Variants in NIN observed in about 807,000 individuals in gnomAD.
The protein encoded by NIN is glycogen synthase kinase 3 beta-interacting protein.
NIN carries 137 observed loss-of-function variants against 257.6 expected under a neutral mutation model. That is an observed-to-expected ratio of 0.53 (90% confidence interval 0.46 to 0.61). NIN has a LOEUF of 0.61. NIN is among the 20% of genes least tolerant of loss of function. The pLI is 0.00. For missense variants in NIN, 2,439 were observed against 2,501.2 expected (o/e 0.98, Z 0.53); for synonymous variants, 918 against 919.8 (o/e 1.00, Z 0.04).
chr14:50,754,228 G>A (rs1233631564), intron 20 of NIN, among the ~76,000 whole-genome samples: 5 of 152,138 alleles, frequency 3.3e-5, no homozygotes, highest in African/African-American at 1.2e-4. Context: ...TCATGGTGAG[G>A]AAAAAGGAAG....
At chr14:50,786,704 G>A (rs1249800891) in intron 5 of NIN, among the ~76,000 whole-genome samples, 1 of 151,970 alleles carries the variant, frequency 6.6e-6, no homozygotes, top group Admixed American at 6.6e-5. Flanking sequence ...CAATAAAACT[G>A]TTTGCTTTGT....
Position 50,771,312 on chromosome 14 carries a change from G to T in NIN, c.1118+20C>A. 6.2e-7 allele frequency: 1 copy of T among 1,612,222 alleles called. No individual in the cohort carries two copies. Among genetic ancestry groups the T allele is most frequent in the East Asian group, 2.2e-5 (1 of 44,864 alleles). On this transcript the variant is annotated intron_variant, in intron 10 of 30. Coordinates refer to ENST00000530997, the MANE Select transcript of NIN (RefSeq NM_020921.4). ...AAGTAGGAAAGGGAATGGGGCAGGCGAACCTTCTGCTCAACTCACAACAAA... is the reference window on the plus strand; with the variant it reads ...AAGTAGGAAAGGGAATGGGGCAGGCTAACCTTCTGCTCAACTCACAACAAA...
At chr14:50,819,296 G>C (rs1275716448) in intron 3 of NIN, among the ~76,000 whole-genome samples, 1 of 152,196 alleles carries the variant, frequency 6.6e-6, no homozygotes, top group Non-Finnish European at 1.5e-5. Flanking sequence ...TGGTTTGGCT[G>C]TGTCCCCACC....
At chr14:50,823,271 C>T (rs769935707) in intron 2 of NIN, 3 of 575,306 alleles carry the variant, frequency 5.2e-6, no homozygotes, top group Admixed American at 1.9e-5. Flanking sequence ...ATGCCAAACA[C>T]GACATACACC....
At chr14:50,747,912 TG>T in intron 22 of NIN, 79 bp downstream of exon 22, 1 of 914,046 alleles carries the variant, frequency 1.1e-6, no homozygotes, top group Non-Finnish European at 1.8e-6. Flanking sequence ...GGACAACTGG[TG>T]GTTAGAAATA....
chr14:50,829,314 A>G (rs572015730), intron 2 of NIN, among the ~76,000 whole-genome samples: 1 of 152,304 alleles, frequency 6.6e-6, no homozygotes, highest in East Asian at 1.9e-4. Flanking sequence ...CAGGTCAGCC[A>G]CCTATATAAT....
At chr14:50,808,748 G>C (rs1432903315) in intron 3 of NIN, among the ~76,000 whole-genome samples, 1 of 152,184 alleles carries the variant, frequency 6.6e-6, no homozygotes, top group African/African-American at 2.4e-5. Flanking sequence ...GCTGCTAAGA[G>C]CACTGCATGT....
intron 20 of NIN, 57 bp from the exon 21 acceptor site, chr14:50,752,790 A>C: frequency 1.0e-6 from 1 of 983,450 alleles, no homozygotes; most frequent in Non-Finnish European, 1.5e-6. Context: ...GCTAAAAAAA[A>C]AAAAAAACAG....
At position 50,819,629 on chromosome 14, in the gene NIN, C is replaced by T. The variant is rs866248239; in HGVS notation, c.183+2245G>A. On this transcript the variant is annotated intron_variant, in intron 3 of 30. Coordinates refer to ENST00000530997, the MANE Select transcript of NIN (RefSeq NM_020921.4). The stretch of plus-strand genomic sequence containing the variant: ...ATAAATTACCCAGTCTCGGGTATGT[C>T]TTTATCAGCAGCGTGAAAACGGACT... 1.6e-4 allele frequency among the ~76,000 whole-genome samples: 25 copies of T among 152,316 alleles called. No individual in the cohort carries two copies. The Middle Eastern group carries it at 0.01, about 62-fold the overall frequency.
chr14:50,825,651 G>T (rs1372641696), intron 2 of NIN, among the ~76,000 whole-genome samples: 1 of 152,202 alleles, frequency 6.6e-6, no homozygotes, highest in African/African-American at 2.4e-5. Flanking sequence ...TTGCACTCTA[G>T]TGTGACACTG....
chr14:50,823,877 C>T (rs561518105), intron 2 of NIN, among the ~76,000 whole-genome samples: 2 of 152,298 alleles, frequency 1.3e-5, no homozygotes, highest in African/African-American at 4.8e-5. Context: ...ATCAAAGCCT[C>T]AGAAAAGAAA....
At chr14:50,781,720 C>G (rs1192058691) in intron 5 of NIN, among the ~76,000 whole-genome samples, 1 of 152,158 alleles carries the variant, frequency 6.6e-6, no homozygotes, top group Admixed American at 6.5e-5. Context: ...GGTTCTCTGC[C>G]TATAAAATGG....
chr14:50,763,998 T>C (rs773820984), intron 14 of NIN, 34 bp from the exon 15 acceptor site: 17 of 1,581,050 alleles, frequency 1.1e-5, no homozygotes, highest in Non-Finnish European at 1.0e-5. Context: ...GTCTTAGATG[T>C]GACACCAAAA....
In NIN at chr14:50,726,053, T is replaced by C; in HGVS notation, c.6092A>G (p.Gln2031Arg). ...ETNTPQGNQE[Q>R]LVTVMEERMI... ...TCGTTCCTCCATGACAGTTACCAGT[T>C]GTTCCTGGTTTCCCTGAAGGGAAGA... is the stretch of plus-strand genomic sequence containing the variant. The change falls in exon 30 of 31, where the codon CAA becomes CGA. Residue 2031 changes from glutamine (Q) to arginine (R), a missense_variant. Gln to Arg is a conservative substitution (Grantham distance 43). This residue lies in a region of NIN where 2,043 missense variants were observed against 2,050.2 expected (regional missense o/e 1.00). Coordinates refer to ENST00000530997, the MANE Select transcript of NIN (RefSeq NM_020921.4). The C allele has an allele frequency of 6.2e-7, 1 of 1,612,638 alleles. No homozygotes were observed. The highest frequency in any genetic ancestry group is 8.5e-7 in the Non-Finnish European group (1 of 1,178,898).
In NIN at chr14:50,738,224, G is replaced by A. The variant is rs987470495; in HGVS notation, c.5691C>T (p.Thr1897=). 3.1e-6 allele frequency: 5 copies of A among 1,613,852 alleles called. No homozygotes were observed. The highest frequency in any genetic ancestry group is 4.2e-6 in the Non-Finnish European group (5 of 1,179,920). ...ATTTTTCTTGCTCTGTGGGATTCAT[G>A]GTACCTGATGGGTTTAGATGTTTTT... ...KHQKHLNPSG[T]MNPTEQEKLS... Residue 1897 remains threonine (T), a synonymous_variant, in exon 27 of 31, where the codon ACC becomes ACT. Transcript: ENST00000530997.
chr14:50,774,012 T>C (rs1363132245), intron 7 of NIN, among the ~76,000 whole-genome samples: 2 of 152,228 alleles, frequency 1.3e-5, no homozygotes, highest in African/African-American at 4.8e-5. Context: ...TATAGGAACA[T>C]GCCTCCAATG....
chr14:50,763,114 C>T (rs1566820190), intron 15 of NIN, among the ~76,000 whole-genome samples: 1 of 152,114 alleles, frequency 6.6e-6, no homozygotes, highest in Non-Finnish European at 1.5e-5. Flanking sequence ...AATAAACAAC[C>T]TGTGTAAGAA....
At chr14:50,813,222 T>C (rs867029193) in intron 3 of NIN, among the ~76,000 whole-genome samples, 2 of 152,262 alleles carry the variant, frequency 1.3e-5, no homozygotes, top group African/African-American at 2.4e-5. Flanking sequence ...AGCTTTACTA[T>C]TGTATTTTGT....
In NIN at chr14:50,798,437, GGTGGATGAGT is replaced by G. The variant is rs146026376; in HGVS notation, c.266-5566_266-5557del. On this transcript the variant is annotated intron_variant, in intron 4 of 30. Coordinates refer to ENST00000530997, the MANE Select transcript of NIN (RefSeq NM_020921.4). ...ACCACCCCCCGAAGGTGCCTAAGCT[GGTGGATGAGT>G]GTGGCAAGGCAAGCCCCAGGGCTGA... Among the ~76,000 whole-genome samples, 539 of 152,308 alleles carry G rather than the reference GGTGGATGAGT, an allele frequency of 3.5e-3. 5 individuals are homozygous for G. The highest frequency in any genetic ancestry group is 0.012 in the African/African-American group (507 of 41,564).
Sources: gnomAD v4.1 joint callset for allele counts (sites outside exome capture counted in the v4.1 genomes callset) on GRCh38, gnomAD v4.1.1 for gene constraint, gnomAD v4.1.1 regional missense constraint, MANE v1.5 for transcripts, NCBI Gene and HGNC (gene_info 2026-07-23, HGNC 2026-07-21) for gene names.